The following DSC3 variants were observed in gnomAD, a reference collection of about 807,000 sequenced individuals.
The protein encoded by DSC3 is desmocollin-3.
A neutral mutation model predicts 89.5 loss-of-function variants in DSC3; 97 were observed. That is an observed-to-expected ratio of 1.08 (90% CI 0.92 to 1.28). DSC3 has a LOEUF of 1.28. Ranked by LOEUF, DSC3 falls within the 50% of genes most tolerant of loss-of-function variation. The pLI is 0.00. For missense variants in DSC3, 1,199 were observed against 1,085.3 expected (o/e 1.10, Z -1.47); for synonymous variants, 436 against 384.1 (o/e 1.14, Z -1.58).
chr18:31,041,885 C>A (rs941814727), intron 1 of DSC3, among the ~76,000 whole-genome samples: 2 of 152,116 alleles, frequency 1.3e-5, no homozygotes, highest in African/African-American at 2.4e-5. Flanking sequence ...CACTGTCACC[C>A]TCTACCCGCC....
intron 6 of DSC3, among the ~76,000 whole-genome samples, chr18:31,022,709 G>A (rs1312462032): frequency 6.6e-6 from 1 of 151,990 alleles, no homozygotes; most frequent in East Asian, 1.9e-4. Context: ...TGAAAATTAA[G>A]GTATACTTTT....
In DSC3 at chr18:31,008,435, C is replaced by G; in HGVS notation, c.1354G>C (p.Ala452Pro). ...PFARDIPRVT[A>P]LNRALVTVHV... is the part of the protein sequence containing the mutation. ...ACTGTAACCAAGGCTCTGTTCAAGGCTGTCACTCTGGGAATATCTCTAGCA... is the reference window on the plus strand; with the variant it reads ...ACTGTAACCAAGGCTCTGTTCAAGGGTGTCACTCTGGGAATATCTCTAGCA... Residue 452 changes from alanine to proline, a missense_variant, in exon 10 of 16, where the codon GCC (alanine) becomes CCC (proline). By Grantham distance (27) the Ala-to-Pro change is conservative (BLOSUM62 -1). Transcript: ENST00000360428. 1 of 1,614,180 alleles carries G rather than the reference C, an allele frequency of 6.2e-7. No individual in the cohort carries two copies. Among genetic ancestry groups the G allele is most frequent in the African/African-American group, 1.3e-5 (1 of 75,064 alleles).
At chr18:31,015,976 T>C (rs1465585463) in intron 9 of DSC3, among the ~76,000 whole-genome samples, 11 of 152,142 alleles carry the variant, frequency 7.2e-5, no homozygotes, top group Non-Finnish European at 1.5e-4. Flanking sequence ...CAGAGACCTC[T>C]AGTTGACCTC....
At chr18:31,000,625 TA>T (rs1250920087) in intron 14 of DSC3, among the ~76,000 whole-genome samples, 15 of 152,220 alleles carry the variant, frequency 9.9e-5, no homozygotes, top group African/African-American at 3.4e-4. Flanking sequence ...TCTTCTATTC[TA>T]AATCAATTTA....
rs549791808 is a variant in DSC3, at chr18:30,990,264, C to T, written c.*3911G>A. 1 of 152,280 alleles carries T rather than the reference C, an allele frequency of 6.6e-6. No homozygotes were observed. Among genetic ancestry groups the T allele is most frequent in the African/African-American group, 2.4e-5 (1 of 41,566 alleles). 9.4% of individuals were successfully genotyped at this position (152,280 alleles called of 1,614,324 possible). ...AATAAGTAGCCTTTCAAAGGTCACA[C>T]AGAAGTAAGTGACAGATCCAGGATT... On this transcript the variant is annotated 3_prime_UTR_variant, in exon 16 of 16. Transcript: ENST00000360428.
chr18:31,004,457 T>C (rs1378714037), intron 12 of DSC3, 91 bp from the exon 13 acceptor site: 1 of 1,185,058 alleles, frequency 8.4e-7, no homozygotes, highest in Non-Finnish European at 1.2e-6. Context: ...AAGGCGTCAT[T>C]CTCAAGGAAC....
At chr18:31,022,573 T>C in intron 6 of DSC3, 71 bp from the exon 7 acceptor site, 3 of 1,532,220 alleles carry the variant, frequency 2.0e-6, no homozygotes, top group Non-Finnish European at 9.0e-7. Context: ...GTATCTACAA[T>C]CTTAAAATGT....
chr18:31,041,312 G>A (rs276926), intron 1 of DSC3, among the ~76,000 whole-genome samples: 33,170 of 152,224 alleles, frequency 0.22, 4,012 homozygotes, highest in East Asian at 0.52. Flanking sequence ...TCTCTAAGCC[G>A]TTTCCATTTG....
At chr18:31,028,338 G>A (rs1246951205) in intron 4 of DSC3, among the ~76,000 whole-genome samples, 2 of 152,056 alleles carry the variant, frequency 1.3e-5, no homozygotes, top group African/African-American at 4.8e-5. Context: ...CAAAAAGGAG[G>A]GAAAGGTGAG....
At chr18:31,025,290 T>C (rs1985559659) in intron 5 of DSC3, among the ~76,000 whole-genome samples, 1 of 152,132 alleles carries the variant, frequency 6.6e-6, no homozygotes. Flanking sequence ...CTTATTTGAG[T>C]TTGGTCTCCC....
In DSC3 at chr18:30,998,690, T is replaced by G. The variant is rs1984555677; in HGVS notation, c.2236-1642A>C. On this transcript the variant is annotated intron_variant, in intron 14 of 15. Coordinates refer to ENST00000360428, the MANE Select transcript of DSC3 (RefSeq NM_001941.5). ...ACAGCTGTGACAGGCCAGATCTGAA[T>G]AGCCACTGAGATAACAGAGAAAACC... 2.0e-5 allele frequency among the ~76,000 whole-genome samples: 3 copies of G among 152,066 alleles called. No homozygotes were observed. The South Asian group carries it at 6.2e-4, about 32-fold the overall frequency.
At position 30,994,235 on chromosome 18, in the gene DSC3, G is replaced by A; in HGVS notation, c.2631C>T (p.Asp877=). The A allele has an allele frequency of 6.2e-7, 1 of 1,614,050 alleles. No homozygotes were observed. The highest frequency in any genetic ancestry group is 8.5e-7 in the Non-Finnish European group (1 of 1,179,988). The change falls in exon 16 of 16, where the codon GAC becomes GAT. Residue 877 remains aspartate (D), a synonymous_variant. Transcript: ENST00000360428. The part of the protein sequence containing the change: ...CSEKQEEDGL[D]FLNNLEPKFI... ...ATTTGGGTTCCAAATTATTTAAAAA[G>A]TCAAGGCCATCTTCTTCCTGCTTTT...
chr18:31,020,038 A>G (rs1985366658), intron 7 of DSC3, among the ~76,000 whole-genome samples: 1 of 152,198 alleles, frequency 6.6e-6, no homozygotes, highest in Non-Finnish European at 1.5e-5. Context: ...AGTAAACACT[A>G]TTGAGGTTGG....
intron 4 of DSC3, among the ~76,000 whole-genome samples, chr18:31,028,390 T>C (rs1985672809): frequency 6.6e-6 from 1 of 152,140 alleles, no homozygotes; most frequent in Non-Finnish European, 1.5e-5. Flanking sequence ...AGGACTAAGA[T>C]GGTGACTGGT....
At chr18:31,002,527 C>G (rs1183767420) in intron 13 of DSC3, among the ~76,000 whole-genome samples, 1 of 151,582 alleles carries the variant, frequency 6.6e-6, no homozygotes, top group African/African-American at 2.4e-5. Context: ...ATGGAGAAAC[C>G]CCGTCTCTAC....
At chr18:31,027,464 T>TTTCTTTCCTTCC (rs1985635287) in intron 4 of DSC3, among the ~76,000 whole-genome samples, 1 of 147,556 alleles carries the variant, frequency 6.8e-6, no homozygotes, top group African/African-American at 2.5e-5. Context: ...GATGCATTGG[T>TTTCTTTCCTTCC]TTCCTTCCTT....
intron 15 of DSC3, among the ~76,000 whole-genome samples, chr18:30,996,070 CTTCT>C (rs1984455242): frequency 6.7e-6 from 1 of 148,176 alleles, no homozygotes; most frequent in African/African-American, 2.5e-5. Context: ...ATTTTAATTC[CTTCT>C]TTCTTTCATA....
intron 13 of DSC3, among the ~76,000 whole-genome samples, chr18:31,003,471 T>C (rs1341108233): frequency 6.6e-6 from 1 of 152,220 alleles, no homozygotes; most frequent in Non-Finnish European, 1.5e-5. Context: ...GCACTTCACA[T>C]GCATTACCTC....
chr18:31,021,904 T>C (rs1228382755), intron 7 of DSC3, among the ~76,000 whole-genome samples: 1 of 152,150 alleles, frequency 6.6e-6, no homozygotes, highest in Non-Finnish European at 1.5e-5. Flanking sequence ...TTCATATTTT[T>C]AATAATCCAT....
Sources: gnomAD v4.1 joint callset for allele counts (sites outside exome capture counted in the v4.1 genomes callset) on GRCh38, gnomAD v4.1.1 for gene constraint, MANE v1.5 for transcripts, NCBI Gene and HGNC (gene_info 2026-07-23, HGNC 2026-07-21) for gene names.